Variants in TMEM120B observed in about 807,000 individuals in gnomAD.
The protein encoded by TMEM120B is transmembrane protein 120B.
In TMEM120B, 31 loss-of-function variants were observed where a neutral mutation model predicts 55.5. The ratio of observed to expected loss-of-function variants is 0.56; its 90% CI spans 0.42 to 0.75. The LOEUF (loss-of-function observed/expected upper bound fraction) is 0.75, where lower values mean the gene tolerates loss of function less well. Ranked by LOEUF, TMEM120B falls within the 30% of genes least tolerant of loss-of-function variation. The pLI, the probability that TMEM120B is intolerant of heterozygous loss-of-function variation, is 0.00. For missense variants in TMEM120B, 399 were observed against 425.5 expected (o/e 0.94, Z 0.55); for synonymous variants, 203 against 176.3 (o/e 1.15, Z -1.20).
chr12:121,728,237 G>A lies in TMEM120B; in HGVS notation c.69+15273G>A, dbSNP rs1183018413. Among the ~76,000 whole-genome samples, 3 of 151,518 alleles carry A rather than the reference G, an allele frequency of 2.0e-5. No individual in the cohort carries two copies. The East Asian group carries it at 6.0e-4, about 30-fold the overall frequency. ...GGGCACGGTGGCTCACGCCTGTAAT[G>A]CCAGCACTTTGGGAGGCAGAGGTGG... On this transcript the variant is annotated intron_variant, in intron 1 of 11. Coordinates refer to ENST00000449592, the MANE Select transcript of TMEM120B (RefSeq NM_001080825.2).
At position 121,771,019 on chromosome 12, in the gene TMEM120B, C is replaced by G. The variant is rs372468519; in HGVS notation, c.617+47C>G. 52 of 1,598,900 alleles carry G rather than the reference C, an allele frequency of 3.3e-5. No individual in the cohort carries two copies. The African/African-American group carries it at 6.0e-4, about 19-fold the overall frequency. ...CCCTCCAGCCTCCCAGGGAGTAGAG[C>G]CTGGGGCCCGGGAATGGGGAGGGGG... On this transcript the variant is annotated intron_variant, in intron 7 of 11. Transcript: ENST00000449592.
chr12:121,779,871 G>C lies in TMEM120B; in HGVS notation c.*4149G>C. The C allele has an allele frequency of 3.5e-6, 2 of 576,632 alleles. No homozygotes were observed. Among genetic ancestry groups the C allele is most frequent in the South Asian group, 4.3e-5 (2 of 46,210 alleles). 35.7% of individuals were successfully genotyped at this position (576,632 alleles called of 1,614,324 possible). A position where few individuals can be genotyped will look rare whatever the true frequency, so the allele number is the denominator to read the frequency against. On this transcript the variant is annotated 3_prime_UTR_variant, in exon 12 of 12. Transcript: ENST00000449592. ...CAGCCCGCAGGTTGGAAGAAGCCCT[G>C]TCCAGGCCCCCACCCTGGCCTCTCT...
At position 121,766,674 on chromosome 12, in the gene TMEM120B, G is replaced by A. The variant is rs544594890; in HGVS notation, c.552-4233G>A. Among the ~76,000 whole-genome samples the A allele has an allele frequency of 2.8e-3, 427 of 152,344 alleles. 3 individuals are homozygous for A. Among genetic ancestry groups the A allele is most frequent in the Non-Finnish European group, 4.3e-3 (291 of 68,020 alleles). On this transcript the variant is annotated intron_variant, in intron 6 of 11. Transcript: ENST00000449592. ...CTGGGGGTCATGTGCTTGGGTATAA[G>A]ACTGTGGTCTATCCCAGCCACCCAG...
In TMEM120B at chr12:121,779,669, G is replaced by T. The variant is rs200553022; in HGVS notation, c.*3947G>T. ...GTTCGCAGGCGCTCAGGCCCTGGGT[G>T]GGGGGAGGAGCCAGCATTAGGTGAG... On this transcript the variant is annotated 3_prime_UTR_variant, in exon 12 of 12. Coordinates refer to ENST00000449592, the MANE Select transcript of TMEM120B (RefSeq NM_001080825.2). The T allele has an allele frequency of 8.6e-5, 138 of 1,613,054 alleles. No individual in the cohort carries two copies. Among genetic ancestry groups the T allele is most frequent in the Admixed American group, 1.3e-4 (8 of 60,008 alleles).
intron 5 of TMEM120B, among the ~76,000 whole-genome samples, 184 bp from the exon 6 acceptor site, chr12:121,761,465 A>C (rs915361960): frequency 6.6e-6 from 1 of 152,162 alleles, no homozygotes; most frequent in African/African-American, 2.4e-5. Flanking sequence ...AGGCATTTGC[A>C]GGGCCGGGGA....
At chr12:121,771,060 G>A (rs28685863) in intron 7 of TMEM120B, 88 bp downstream of exon 7, 17,816 of 1,422,458 alleles carry the variant, frequency 0.013, 531 homozygotes, top group African/African-American at 0.074. Flanking sequence ...CCAGACAGCG[G>A]TGGGGGGTGT....
At chr12:121,735,201 CAAAA>C (rs1158893128) in intron 1 of TMEM120B, among the ~76,000 whole-genome samples, 5 of 124,094 alleles carry the variant, frequency 4.0e-5, no homozygotes, top group Non-Finnish European at 5.2e-5. Context: ...AAAAAAAAAA[CAAAA>C]AAAAAAACCC....
chr12:121,716,565 C>CTTTT (rs56037685), intron 1 of TMEM120B, among the ~76,000 whole-genome samples: 8 of 124,804 alleles, frequency 6.4e-5, no homozygotes, highest in South Asian at 2.5e-4. Context: ...TTTTTTCTTT[C>CTTTT]TTTTTTTTTT....
chr12:121,718,085 GTTTC>G (rs1442104130), intron 1 of TMEM120B, among the ~76,000 whole-genome samples: 1 of 152,154 alleles, frequency 6.6e-6, no homozygotes, highest in Non-Finnish European at 1.5e-5. Context: ...CTCAGGTTGA[GTTTC>G]TTTATCTAAA....
rs1208441183 is a variant in TMEM120B at position 121,776,007 on chromosome 12, G to A, written c.*285G>A. The A allele has an allele frequency of 5.1e-6, 3 of 592,044 alleles. No homozygotes were observed. The highest frequency in any genetic ancestry group is 9.0e-6 in the Non-Finnish European group (3 of 332,214). 36.7% of individuals were successfully genotyped at this position (592,044 alleles called of 1,614,324 possible). A position where few individuals can be genotyped will look rare whatever the true frequency, so the allele number is the denominator to read the frequency against. On this transcript the variant is annotated 3_prime_UTR_variant, in exon 12 of 12. Coordinates refer to ENST00000449592, the MANE Select transcript of TMEM120B (RefSeq NM_001080825.2). ...GGCCGGGCCAGTCTTCCTGGGGATGGGGCCTGAAGCCTCAGGGAGCCCCTC... is the reference window on the plus strand; with the variant it reads ...GGCCGGGCCAGTCTTCCTGGGGATGAGGCCTGAAGCCTCAGGGAGCCCCTC...
chr12:121,726,277 A>T (rs1894889692), intron 1 of TMEM120B, among the ~76,000 whole-genome samples: 2 of 151,990 alleles, frequency 1.3e-5, no homozygotes, highest in African/African-American at 4.8e-5. Context: ...ATATCAATGA[A>T]GTTGTTAAAA....
At chr12:121,724,125 C>T (rs1424962698) in intron 1 of TMEM120B, among the ~76,000 whole-genome samples, 6 of 146,622 alleles carry the variant, frequency 4.1e-5, no homozygotes, top group African/African-American at 1.2e-4. Context: ...GCATCCTTCA[C>T]CTCCTGGGTT....
intron 8 of TMEM120B, among the ~76,000 whole-genome samples, chr12:121,772,338 C>T (rs949487671): frequency 1.3e-5 from 2 of 152,028 alleles, no homozygotes; most frequent in African/African-American, 4.8e-5. Context: ...CCATGTTGGT[C>T]AGGGTGGTCT....
chr12:121,757,190 C>G (rs1019914079), intron 5 of TMEM120B, among the ~76,000 whole-genome samples: 1 of 151,100 alleles, frequency 6.6e-6, no homozygotes, highest in African/African-American at 2.4e-5. Context: ...GAGACAGAGT[C>G]TCACTCTGTC....
intron 1 of TMEM120B, 84 bp from the exon 2 acceptor site, chr12:121,743,545 G>C (rs552625437): frequency 1.9e-6 from 2 of 1,063,770 alleles, no homozygotes; most frequent in Non-Finnish European, 2.8e-6. Context: ...GTGACAGAGC[G>C]AGACTCTCTC....
chr12:121,772,039 CTCTTTCTT>C (rs749658859), intron 8 of TMEM120B, among the ~76,000 whole-genome samples: 1 of 114,118 alleles, frequency 8.8e-6, no homozygotes, highest in African/African-American at 4.9e-5. Flanking sequence ...TTCTTTCTTT[CTCTTTCTT>C]TCTTTCTTTT....
chr12:121,716,843 G>T (rs1316323544), intron 1 of TMEM120B, among the ~76,000 whole-genome samples: 2 of 152,244 alleles, frequency 1.3e-5, no homozygotes, highest in East Asian at 3.9e-4. Flanking sequence ...TTACAGGCGT[G>T]AGCCACTGCA....
chr12:121,771,009 G>C (rs1307179954), intron 7 of TMEM120B, 37 bp downstream of exon 7: 2 of 1,608,286 alleles, frequency 1.2e-6, no homozygotes, highest in African/African-American at 2.7e-5. Context: ...CAGCCTCCCA[G>C]GGAGTAGAGC....
chr12:121,716,027 C>T (rs1894694083), intron 1 of TMEM120B, among the ~76,000 whole-genome samples: 1 of 148,896 alleles, frequency 6.7e-6, no homozygotes, highest in Non-Finnish European at 1.5e-5. Context: ...GGTGCATTGG[C>T]TCATACCTGT....
Sources: allele counts gnomAD v4.1 joint callset (sites outside exome capture counted in the v4.1 genomes callset), GRCh38; gene constraint gnomAD v4.1.1; transcripts MANE v1.5; gene names NCBI Gene and HGNC (gene_info 2026-07-23, HGNC 2026-07-21).